The following KIAA0825 variants were observed in gnomAD, a reference collection of about 807,000 sequenced individuals.
KIAA0825 encodes the protein uncharacterized protein KIAA0825.
In KIAA0825, 119 loss-of-function variants were observed where a neutral mutation model predicts 147.6. That is an observed-to-expected ratio of 0.81 (90% CI 0.69 to 0.94). The LOEUF is 0.94. Ranked by LOEUF, KIAA0825 falls within the 40% of genes least tolerant of loss-of-function variation. The probability of loss-of-function intolerance (pLI) is 0.00; values close to 1 mark genes in which losing one functional copy is unlikely to be tolerated. For synonymous variants in KIAA0825, 470 were observed against 518.1 expected (o/e 0.91, Z 1.26); for missense variants, 1,381 against 1,472.7 (o/e 0.94, Z 1.02).
chr5:94,366,867 G>A (rs538655642), intron 20 of KIAA0825, among the ~76,000 whole-genome samples: 30 of 152,284 alleles, frequency 2.0e-4, no homozygotes, highest in African/African-American at 7.0e-4. Flanking sequence ...AACTTGATGC[G>A]TCCACCTTAC....
At chr5:94,522,276 C>G (rs1425433635) in intron 4 of KIAA0825, among the ~76,000 whole-genome samples, 2 of 151,638 alleles carry the variant, frequency 1.3e-5, no homozygotes, top group African/African-American at 2.4e-5. Context: ...ACAAAGTACA[C>G]ATGACCTCTG....
At chr5:94,444,594 G>A (rs774697222) in intron 13 of KIAA0825, among the ~76,000 whole-genome samples, 1 of 152,042 alleles carries the variant, frequency 6.6e-6, no homozygotes, top group African/African-American at 2.4e-5. Flanking sequence ...TAAATCGGCA[G>A]AGATGATGGC....
Position 94,403,718 on chromosome 5 carries a change from G to A in KIAA0825, c.2738C>T (p.Thr913Ile). 6.4e-7 allele frequency: 1 copy of A among 1,551,574 alleles called. No homozygotes were observed. Among genetic ancestry groups the A allele is most frequent in the Non-Finnish European group, 8.7e-7 (1 of 1,146,902 alleles). The stretch of plus-strand genomic sequence containing the variant: ...CATTACAGATACTATCTGCTGTACA[G>A]TGTCCTTGATGGCATCGGTCAGTGC... ...RLALTDAIKD[T>I]VQQIVSVMSS... Residue 913 changes from threonine (T) to isoleucine (I), a missense_variant, in exon 16 of 21, where the codon ACT becomes ATT. Coordinates refer to ENST00000682413, the MANE Select transcript of KIAA0825 (RefSeq NM_001145678.3).
At chr5:94,417,797 A>T (rs1342911899) in intron 14 of KIAA0825, among the ~76,000 whole-genome samples, 1 of 152,274 alleles carries the variant, frequency 6.6e-6, no homozygotes, top group South Asian at 2.1e-4. Context: ...GAAAATTCAC[A>T]TTTTTAGTTT....
chr5:94,523,190 TTGA>T (rs964424390), intron 4 of KIAA0825, among the ~76,000 whole-genome samples: 3 of 151,664 alleles, frequency 2.0e-5, no homozygotes, highest in Non-Finnish European at 4.4e-5. Flanking sequence ...TAGTCAATGT[TTGA>T]TGTTTAGACA....
intron 16 of KIAA0825, among the ~76,000 whole-genome samples, chr5:94,398,644 T>C (rs1465609251): frequency 2.6e-5 from 4 of 152,186 alleles, no homozygotes; most frequent in Admixed American, 6.6e-5. Context: ...GTTATTTGTA[T>C]ACTCATGAAT....
At chr5:94,449,202 G>GACTGACTTA (rs1043352032) in intron 13 of KIAA0825, among the ~76,000 whole-genome samples, 1 of 152,062 alleles carries the variant, frequency 6.6e-6, no homozygotes, top group Non-Finnish European at 1.5e-5. Context: ...CACATGAGGA[G>GACTGACTTA]ACTGACTTAA....
chr5:94,593,502 T>C (rs2152397950), intron 1 of KIAA0825: 1 of 641,866 alleles, frequency 1.6e-6, no homozygotes, highest in South Asian at 1.8e-5. Context: ...GATATCATTA[T>C]CAACCACTAT....
At chr5:94,461,348 A>C (rs1017639801) in intron 12 of KIAA0825, among the ~76,000 whole-genome samples, 27 of 151,944 alleles carry the variant, frequency 1.8e-4, no homozygotes, top group Non-Finnish European at 3.8e-4. Flanking sequence ...CTGAGAGCAC[A>C]GCAATTTTTT....
intron 5 of KIAA0825, among the ~76,000 whole-genome samples, chr5:94,516,830 G>A (rs1364946903): frequency 1.3e-5 from 2 of 151,794 alleles, no homozygotes; most frequent in African/African-American, 2.4e-5. Context: ...GCCAGGCACG[G>A]TGGCTCACAC....
chr5:94,610,800 T>C (rs1356697777), intron 1 of KIAA0825, among the ~76,000 whole-genome samples: 104 of 123,378 alleles, frequency 8.4e-4, no homozygotes, highest in African/African-American at 3.2e-3. Context: ...TATATATATA[T>C]ATATATAAAT....
chr5:94,499,242 T>C (rs1764741208), intron 5 of KIAA0825, among the ~76,000 whole-genome samples: 1 of 152,160 alleles, frequency 6.6e-6, no homozygotes, highest in African/African-American at 2.4e-5. Context: ...CCAGAAGACC[T>C]GAGAAACAAG....
chr5:94,239,744 C>G (rs1304665735), intron 20 of KIAA0825, among the ~76,000 whole-genome samples: 1 of 152,138 alleles, frequency 6.6e-6, no homozygotes, highest in East Asian at 1.9e-4. Context: ...ACATATGCAC[C>G]TATGCCTTAA....
At chr5:94,595,612 T>TA (rs1561370921) in intron 1 of KIAA0825, among the ~76,000 whole-genome samples, 1 of 152,226 alleles carries the variant, frequency 6.6e-6, no homozygotes, top group African/African-American at 2.4e-5. Flanking sequence ...CCTCGTTACT[T>TA]ACGCAAATTT....
intron 20 of KIAA0825, among the ~76,000 whole-genome samples, chr5:94,201,862 G>A (rs1169094676): frequency 2.0e-5 from 3 of 152,190 alleles, no homozygotes; most frequent in African/African-American, 7.2e-5. Flanking sequence ...TATAGCTAAG[G>A]AGCAGTGTGG....
At chr5:94,386,212 T>A in intron 19 of KIAA0825, 30 bp downstream of exon 19, 1 of 1,523,090 alleles carries the variant, frequency 6.6e-7, no homozygotes, top group South Asian at 1.2e-5. Flanking sequence ...AAACCACACA[T>A]TTAAATTAAA....
chr5:94,392,683 T>G (rs572484911), intron 17 of KIAA0825, among the ~76,000 whole-genome samples: 21 of 152,260 alleles, frequency 1.4e-4, no homozygotes, highest in Admixed American at 3.9e-4. Context: ...ATTACTGAGA[T>G]TTTGCCATGA....
At chr5:94,407,211 TA>T (rs756338886) in intron 15 of KIAA0825, among the ~76,000 whole-genome samples, 35 of 152,152 alleles carry the variant, frequency 2.3e-4, no homozygotes, top group Non-Finnish European at 3.7e-4. Flanking sequence ...GAGAAAGCGC[TA>T]ATCTCTCACC....
chr5:94,613,178 C>G (rs985055939), intron 1 of KIAA0825, among the ~76,000 whole-genome samples: 2 of 152,046 alleles, frequency 1.3e-5, no homozygotes, highest in African/African-American at 2.4e-5. Context: ...AAGGGATGCA[C>G]TAAAGTTTGA....
Sources: allele counts gnomAD v4.1 joint callset (sites outside exome capture counted in the v4.1 genomes callset), GRCh38; gene constraint gnomAD v4.1.1; transcripts MANE v1.5; gene names NCBI Gene and HGNC (gene_info 2026-07-23, HGNC 2026-07-21).